PNPLA7: variants seen among roughly 807,000 people sequenced by gnomAD.
PNPLA7 encodes the protein patatin like domain 7, lysophospholipase.
PNPLA7 carries 153 observed loss-of-function variants against 161.7 expected under a neutral mutation model. That is an observed-to-expected ratio of 0.95 (90% confidence interval 0.83 to 1.08). The LOEUF (loss-of-function observed/expected upper bound fraction) is 1.08. Ranked by LOEUF, PNPLA7 falls within the 50% of genes least tolerant of loss-of-function variation. The pLI is 0.00. For missense variants in PNPLA7, 1,739 were observed against 1,856.6 expected, an observed-to-expected ratio of 0.94 and a Z score of 1.16; for synonymous variants, 809 against 782.1, an observed-to-expected ratio of 1.03 and a Z score of -0.57.
chr9:137,547,410 G>C lies in PNPLA7; in HGVS notation c.106-14C>G, dbSNP rs770013803. The C allele has an allele frequency of 6.2e-7, 1 of 1,613,012 alleles. No individual in the cohort carries two copies. The highest frequency in any genetic ancestry group is 8.5e-7 in the Non-Finnish European group (1 of 1,179,738). Reference sequence around the variant, plus strand: ...AATCCCCGTCAGCTGGCCGAGAGTGGAAACACGGCGCCCATCAGCAAAGCC... The same window carrying C: ...AATCCCCGTCAGCTGGCCGAGAGTGCAAACACGGCGCCCATCAGCAAAGCC... On this transcript the variant is annotated splice_polypyrimidine_tract_variant and intron_variant, in intron 2 of 34. Transcript: ENST00000406427. This position sits in a 1 kb window ranked among gnomAD's most constrained non-coding sequence, Gnocchi z 4.6.
At chr9:137,503,710 G>A (rs375339376) in intron 14 of PNPLA7, among the ~76,000 whole-genome samples, 7 of 142,438 alleles carry the variant, frequency 4.9e-5, no homozygotes, top group African/African-American at 1.6e-4. Context: ...GGGAAGGAAG[G>A]AGGAGAAAGG....
rs1334788678 is a variant in PNPLA7, at chr9:137,462,244, C to T, written c.3580G>A (p.Glu1194Lys). The T allele has an allele frequency of 6.2e-7, 1 of 1,610,306 alleles. No homozygotes were observed. The highest frequency in any genetic ancestry group is 1.3e-5 in the African/African-American group (1 of 75,010). Residue 1194 changes from glutamate (E) to lysine (K), a missense_variant, in exon 31 of 35, where the codon GAG becomes AAG. Transcript: ENST00000406427. ...LEVVKSSDYCEYLRPPIDSYS... is the reference protein window; with the variant it reads ...LEVVKSSDYCKYLRPPIDSYS... ...CTGTCGATGGGGGGGCGCAGGTACT[C>T]GCAGTAGTCACTGCTCTTCACCACC...
At chr9:137,497,101 T>C in intron 18 of PNPLA7, 86 bp downstream of exon 18, 2 of 1,320,760 alleles carry the variant, frequency 1.5e-6, no homozygotes, top group Non-Finnish European at 1.9e-6. Flanking sequence ...CCCAAGTAAC[T>C]GGCCAGGCCA....
At chr9:137,513,499 CAG>C (rs1834345350) in intron 12 of PNPLA7, among the ~76,000 whole-genome samples, 2 of 150,508 alleles carry the variant, frequency 1.3e-5, no homozygotes, top group South Asian at 4.2e-4. Context: ...AATTAAAAAA[CAG>C]AAATAAATAA....
chr9:137,493,277 T>C (rs1171734963), intron 19 of PNPLA7, among the ~76,000 whole-genome samples, 195 bp from the exon 20 acceptor site: 1 of 152,240 alleles, frequency 6.6e-6, no homozygotes, highest in Non-Finnish European at 1.5e-5. Context: ...TGCAGCCTTC[T>C]TGATGCCCAG....
chr9:137,502,130 C>A (rs566197477), intron 14 of PNPLA7, among the ~76,000 whole-genome samples: 1 of 152,312 alleles, frequency 6.6e-6, no homozygotes, highest in Admixed American at 6.5e-5. Flanking sequence ...GGCACGAGGA[C>A]TCTGGAATCT....
At position 137,515,243 on chromosome 9, in the gene PNPLA7, C is replaced by T. The variant is rs1335893850; in HGVS notation, c.1225+136G>A. 2.6e-6 allele frequency: 3 copies of T among 1,173,536 alleles called. No individual in the cohort carries two copies. The African/African-American group carries it at 4.7e-5, about 19-fold the overall frequency. 72.7% of individuals were successfully genotyped at this position (1,173,536 alleles called of 1,614,324 possible). A position where few individuals can be genotyped will look rare whatever the true frequency, so the allele number is the denominator to read the frequency against. On this transcript the variant is annotated intron_variant, in intron 12 of 34. Coordinates refer to ENST00000406427, the MANE Select transcript of PNPLA7 (RefSeq NM_001098537.3). ...CTAGAGCCAGAGGACAGGCACAGGCCCCCCTGGGCACGTGGGGCTCTAGTG... is the reference window on the plus strand; with the variant it reads ...CTAGAGCCAGAGGACAGGCACAGGCTCCCCTGGGCACGTGGGGCTCTAGTG...
At chr9:137,482,353 AC>A (rs1832261204) in intron 21 of PNPLA7, among the ~76,000 whole-genome samples, 1 of 152,216 alleles carries the variant, frequency 6.6e-6, no homozygotes, top group African/African-American at 2.4e-5. Flanking sequence ...CAGTAGATGA[AC>A]AGATCAACTG....
chr9:137,536,495 A>G (rs1835897618), intron 8 of PNPLA7, among the ~76,000 whole-genome samples: 1 of 152,176 alleles, frequency 6.6e-6, no homozygotes, highest in South Asian at 2.1e-4. Context: ...TAATGGGTGC[A>G]TATAAAAATC....
chr9:137,464,466 CAT>C lies in PNPLA7; in HGVS notation c.3040-12_3040-11del, dbSNP rs749762556. ...TCAAGGACGTCATGCCCTGGGGCCACATGTGGAATTTACAGAAGGCTTCCACC... is the reference window on the plus strand; with the variant it reads ...TCAAGGACGTCATGCCCTGGGGCCACGTGGAATTTACAGAAGGCTTCCACC... On this transcript the variant is annotated splice_polypyrimidine_tract_variant and intron_variant, in intron 26 of 34. Transcript: ENST00000406427. 7 of 1,611,304 alleles carry C rather than the reference CAT, an allele frequency of 4.3e-6. No homozygotes were observed. Among genetic ancestry groups the C allele is most frequent in the Admixed American group, 3.3e-5 (2 of 60,002 alleles).
intron 14 of PNPLA7, among the ~76,000 whole-genome samples, chr9:137,503,385 AAAG>A (rs925265758): frequency 1.3e-5 from 2 of 151,016 alleles, no homozygotes; most frequent in African/African-American, 2.4e-5. Context: ...TGTTTCCAAA[AAAG>A]AAGAAGGAAG....
rs1836344630 is a variant in PNPLA7, at chr9:137,543,818, G to A, written c.274-3C>T. 1 of 1,612,232 alleles carries A rather than the reference G, an allele frequency of 6.2e-7. No individual in the cohort carries two copies. The highest frequency in any genetic ancestry group is 8.5e-7 in the Non-Finnish European group (1 of 1,178,696). On this transcript the variant is annotated splice_region_variant and splice_polypyrimidine_tract_variant and intron_variant, in intron 4 of 34. Transcript: ENST00000406427. This position sits in a 1 kb window ranked among gnomAD's most constrained non-coding sequence, Gnocchi z 6.9. ...AGGGTGTTGGGGAGTGTGGTCACCT[G>A]CAGAGCCAAGGGAGAGACCAGCCAC...
intron 19 of PNPLA7, among the ~76,000 whole-genome samples, chr9:137,494,543 C>T (rs1261841213): frequency 6.6e-6 from 1 of 152,210 alleles, no homozygotes; most frequent in African/African-American, 2.4e-5. Flanking sequence ...CCCGCACCAC[C>T]CTCACCCGCG....
At chr9:137,549,294 A>ATGGTGG (rs1564377323) in intron 1 of PNPLA7, among the ~76,000 whole-genome samples, 1 of 152,008 alleles carries the variant, frequency 6.6e-6, no homozygotes, top group Non-Finnish European at 1.5e-5. Flanking sequence ...TAGGCCGGGC[A>ATGGTGG]CGGTGGCTCA....
At chr9:137,529,533 G>C (rs575105146) in intron 8 of PNPLA7, among the ~76,000 whole-genome samples, 1 of 152,230 alleles carries the variant, frequency 6.6e-6, no homozygotes, top group South Asian at 2.1e-4. Flanking sequence ...CCACAAGTCT[G>C]TATCTGTGGA....
intron 28 of PNPLA7, 70 bp downstream of exon 28, chr9:137,464,056 G>T (rs564475137): frequency 5.4e-4 from 826 of 1,533,282 alleles, no homozygotes; most frequent in Non-Finnish European, 6.7e-4. Context: ...CCAACCCCTG[G>T]GGCTGCTGAG....
intron 29 of PNPLA7, 42 bp downstream of exon 29, chr9:137,463,373 G>A (rs758368117): frequency 9.8e-6 from 15 of 1,533,434 alleles, no homozygotes; most frequent in Non-Finnish European, 1.3e-5. Context: ...CGTGACCCAG[G>A]AGCCTGTGCT....
intron 12 of PNPLA7, 72 bp from the exon 13 acceptor site, chr9:137,506,155 G>A (rs967323440): frequency 7.8e-7 from 1 of 1,280,504 alleles, no homozygotes; most frequent in African/African-American, 1.5e-5. Context: ...TGTGGGCTGA[G>A]CACACCCTGC....
At chr9:137,531,902 TG>T (rs920718308) in intron 8 of PNPLA7, among the ~76,000 whole-genome samples, 1 of 152,304 alleles carries the variant, frequency 6.6e-6, no homozygotes, top group African/African-American at 2.4e-5. Flanking sequence ...CTATATAACC[TG>T]GGTTCGAGTT....
Sources: allele counts gnomAD v4.1 joint callset (sites outside exome capture counted in the v4.1 genomes callset), GRCh38; gene constraint gnomAD v4.1.1; non-coding constraint Gnocchi (gnomAD v3.1); transcripts MANE v1.5; gene names NCBI Gene and HGNC (gene_info 2026-07-23, HGNC 2026-07-21).